Variants in CREM observed in about 807,000 individuals in gnomAD.
The protein encoded by CREM is cAMP-responsive element modulator.
In CREM, 13 loss-of-function variants were observed where a neutral mutation model predicts 37.3. The ratio of observed to expected loss-of-function variants is 0.35; its 90% CI spans 0.23 to 0.55. The LOEUF (loss-of-function observed/expected upper bound fraction) is 0.55, where lower values mean the gene tolerates loss of function less well. Ranked by LOEUF, CREM falls within the 20% of genes least tolerant of loss-of-function variation. The pLI is 0.88. For missense variants in CREM, 296 were observed against 362.3 expected, an observed-to-expected ratio of 0.82 and a Z score of 1.49; for synonymous variants, 124 against 120.2, an observed-to-expected ratio of 1.03 and a Z score of -0.21.
At chr10:35,198,611 CTTTG>C (rs2095288250) in intron 6 of CREM, among the ~76,000 whole-genome samples, 1 of 151,572 alleles carries the variant, frequency 6.6e-6, no homozygotes, top group African/African-American at 2.4e-5. Context: ...TAGAAATTGC[CTTTG>C]TTTTATTCAT....
Position 35,137,853 on chromosome 10 carries a change from G to GA in CREM, c.24dup (p.Tyr9IlefsTer3). 1.9e-6 allele frequency: 3 copies of GA among 1,586,900 alleles called. No individual in the cohort carries two copies. The highest frequency in any genetic ancestry group is 1.8e-5 in the Admixed American group (1 of 56,238). On this transcript the variant is annotated frameshift_variant, in exon 2 of 8. Coordinates refer to ENST00000685392, the MANE Select transcript of CREM (RefSeq NM_183011.2). LOFTEE classifies it high-confidence loss of function. ...TCTTAACAATGAGCAAATGTGCAAG[G>GA]AAAAAATATATTAAGACAAATCCAA...
rs984298073 is a variant in CREM, at chr10:35,209,285, C to T, written c.756-1969C>T. ...CTCATTATATCGTATTTCTGCCAATCCAGCAACAGTTTTTATTTCTTTCCA... is the reference window on the plus strand; with the variant it reads ...CTCATTATATCGTATTTCTGCCAATTCAGCAACAGTTTTTATTTCTTTCCA... On this transcript the variant is annotated intron_variant, in intron 7 of 7. Coordinates refer to ENST00000685392, the MANE Select transcript of CREM (RefSeq NM_183011.2). 3 of 984,698 alleles carry T rather than the reference C, an allele frequency of 3.0e-6. No individual in the cohort carries two copies. In the African/African-American group the frequency reaches 5.2e-5, roughly 17 times the overall value. The allele number at this position is 984,698 out of a possible 1,614,324, so 61.0% of individuals were successfully genotyped here. A position where few individuals can be genotyped will look rare whatever the true frequency, so the allele number is the denominator to read the frequency against.
At chr10:35,131,911 G>A (rs1564779561) in intron 1 of CREM, among the ~76,000 whole-genome samples, 1 of 152,104 alleles carries the variant, frequency 6.6e-6, no homozygotes, top group Non-Finnish European at 1.5e-5. Context: ...TCCTTCAAAA[G>A]TTTAAAAATT....
intron 1 of CREM, among the ~76,000 whole-genome samples, chr10:35,132,207 A>C (rs2089548178): frequency 6.6e-6 from 1 of 151,166 alleles, no homozygotes; most frequent in African/African-American, 2.4e-5. Context: ...GTCTCAAAAA[A>C]AAAAAAAAAA....
In CREM at chr10:35,129,635, T is replaced by G. The variant is rs564244920; in HGVS notation, c.-55+2442T>G. Among the ~76,000 whole-genome samples the G allele has an allele frequency of 2.6e-5, 4 of 152,354 alleles. No homozygotes were observed. The East Asian group carries it at 7.7e-4, about 29-fold the overall frequency. On this transcript the variant is annotated intron_variant, in intron 1 of 7. Coordinates refer to ENST00000685392, the MANE Select transcript of CREM (RefSeq NM_183011.2). ...AAGCTCTCAAATGTCCTGTTCCTTT[T>G]AGATAGACTTCTTAAAATAAAACTG...
At chr10:35,193,298 C>G (rs1346049983) in intron 6 of CREM, among the ~76,000 whole-genome samples, 2 of 152,086 alleles carry the variant, frequency 1.3e-5, no homozygotes, top group Non-Finnish European at 2.9e-5. Context: ...ATTAACTGGT[C>G]CAGGGAATAC....
chr10:35,150,374 G>A (rs1409889743), intron 3 of CREM, among the ~76,000 whole-genome samples: 4 of 152,016 alleles, frequency 2.6e-5, no homozygotes, highest in Non-Finnish European at 4.4e-5. Context: ...CTTCTAGGTG[G>A]GTCCCGGCTC....
chr10:35,199,842 TATAAA>T (rs746808644), intron 6 of CREM, among the ~76,000 whole-genome samples: 18 of 148,968 alleles, frequency 1.2e-4, no homozygotes, highest in Non-Finnish European at 2.7e-4. Flanking sequence ...TTATAAAACA[TATAAA>T]ATGAGGTTAG....
At chr10:35,157,458 C>T (rs903511695) in intron 3 of CREM, among the ~76,000 whole-genome samples, 2 of 151,870 alleles carry the variant, frequency 1.3e-5, no homozygotes, top group Non-Finnish European at 2.9e-5. Flanking sequence ...ATGGTGAAAG[C>T]CTGTCTCTAC....
chr10:35,211,977 A>AT lies in CREM; in HGVS notation c.*585dup, dbSNP rs2095670375. 3.6e-6 allele frequency: 2 copies of AT among 561,838 alleles called. No individual in the cohort carries two copies. The highest frequency in any genetic ancestry group is 5.1e-5 in the South Asian group (1 of 19,682). 34.8% of individuals were successfully genotyped at this position (561,838 alleles called of 1,614,324 possible). ...AGTTAAGTCGTAGCTATAACTTCAA[A>AT]TTTTTTAAAAGAGACAAACTGTAAA... is the stretch of plus-strand genomic sequence containing the variant. On this transcript the variant is annotated 3_prime_UTR_variant, in exon 8 of 8. Coordinates refer to ENST00000685392, the MANE Select transcript of CREM (RefSeq NM_183011.2).
intron 1 of CREM, among the ~76,000 whole-genome samples, chr10:35,128,323 T>G (rs910509976): frequency 4.6e-5 from 7 of 152,208 alleles, no homozygotes; most frequent in African/African-American, 1.7e-4. Context: ...CCTTTAACAC[T>G]GTGGCTTACG....
intron 3 of CREM, among the ~76,000 whole-genome samples, chr10:35,167,136 G>A (rs552128683): frequency 1.1e-4 from 17 of 152,226 alleles, no homozygotes; most frequent in African/African-American, 3.9e-4. Flanking sequence ...GCAAGACTCC[G>A]TCTCAGTGGG....
chr10:35,149,210 TTATA>T (rs1367192333), intron 3 of CREM, among the ~76,000 whole-genome samples: 1 of 152,042 alleles, frequency 6.6e-6, no homozygotes, highest in Non-Finnish European at 1.5e-5. Flanking sequence ...TAGGAGTGCT[TTATA>T]TATCTCCTTT....
chr10:35,151,978 T>C (rs1453068265), intron 3 of CREM, among the ~76,000 whole-genome samples: 1 of 152,256 alleles, frequency 6.6e-6, no homozygotes, highest in Non-Finnish European at 1.5e-5. Flanking sequence ...AGCTGAACTC[T>C]ATTAACCCTA....
intron 3 of CREM, among the ~76,000 whole-genome samples, chr10:35,171,853 G>A (rs1203409869): frequency 1.3e-5 from 2 of 152,202 alleles, no homozygotes; most frequent in Non-Finnish European, 2.9e-5. Context: ...ATTTTGATTT[G>A]AGAAAATGTA....
chr10:35,175,991 A>G, intron 3 of CREM: 1 of 1,550,754 alleles, frequency 6.4e-7, no homozygotes, highest in Non-Finnish European at 8.7e-7. Context: ...AGAAATACAC[A>G]CCGTTCAGGT....
At chr10:35,186,210 T>C (rs1252922232) in intron 5 of CREM, among the ~76,000 whole-genome samples, 3 of 152,226 alleles carry the variant, frequency 2.0e-5, no homozygotes, top group Non-Finnish European at 4.4e-5. Context: ...TAATATCTAC[T>C]GTTTGAAGCA....
At chr10:35,175,396 A>C (rs1310455976) in intron 3 of CREM, among the ~76,000 whole-genome samples, 1 of 152,214 alleles carries the variant, frequency 6.6e-6, no homozygotes, top group East Asian at 1.9e-4. Flanking sequence ...CAGGGAGCCA[A>C]GATCACGCCA....
At chr10:35,175,452 A>G (rs2094010595) in intron 3 of CREM, 1 of 486,444 alleles carries the variant, frequency 2.1e-6, no homozygotes, top group Non-Finnish European at 3.7e-6. Context: ...TCTCAAAAAA[A>G]AAAGAACCAT....
Sources: allele counts gnomAD v4.1 joint callset (sites outside exome capture counted in the v4.1 genomes callset), GRCh38; gene constraint gnomAD v4.1.1; transcripts MANE v1.5; gene names NCBI Gene and HGNC (gene_info 2026-07-23, HGNC 2026-07-21).